Variants in CD4 observed in about 807,000 individuals in gnomAD.
The protein encoded by CD4 is CD4 molecule.
In CD4, 25 loss-of-function variants were observed where a neutral mutation model predicts 50.5. The observed-to-expected ratio is 0.49, with a 90% CI of 0.36 to 0.69. The LOEUF is 0.69. CD4 is among the 30% of genes least tolerant of loss of function. The pLI is 0.00. For missense variants in CD4, 456 were observed against 548.5 expected, an observed-to-expected ratio of 0.83 and a Z score of 1.68; for synonymous variants, 207 against 221.9, an observed-to-expected ratio of 0.93 and a Z score of 0.60.
chr12:6,810,484 GAGGTC>G (rs1443360962), intron 3 of CD4, among the ~76,000 whole-genome samples: 4 of 152,306 alleles, frequency 2.6e-5, no homozygotes, highest in Non-Finnish European at 5.9e-5. Context: ...ACTGAGGAGA[GAGGTC>G]AGGGCTGGCA....
chr12:6,798,414 C>T (rs756982754), intron 1 of CD4, among the ~76,000 whole-genome samples: 1 of 140,080 alleles, frequency 7.1e-6, no homozygotes, highest in East Asian at 1.9e-4. Context: ...CCTCATGATC[C>T]GCCCGCCTTG....
rs1420333619 is a variant in CD4, at chr12:6,818,842, G to A, written c.1279-5G>A. On this transcript the variant is annotated splice_region_variant and splice_polypyrimidine_tract_variant and intron_variant, in intron 8 of 9. Transcript: ENST00000011653. This position sits in a 1 kb window ranked among gnomAD's most constrained non-coding sequence, Gnocchi z 5.0. ...CTCGTGACTCCCTTTCTTGTCCCTGGACAGCGCCAAGCAGAGCGGATGTCT... is the reference window on the plus strand; with the variant it reads ...CTCGTGACTCCCTTTCTTGTCCCTGAACAGCGCCAAGCAGAGCGGATGTCT... 2.5e-6 allele frequency: 4 copies of A among 1,613,026 alleles called. No individual in the cohort carries two copies. The highest frequency in any genetic ancestry group is 4.5e-5 in the East Asian group (2 of 44,854).
intron 1 of CD4, among the ~76,000 whole-genome samples, chr12:6,795,099 T>C (rs1942331264): frequency 7.4e-4 from 1 of 1,348 alleles, no homozygotes; most frequent in African/African-American, 3.0e-3. Flanking sequence ...AATGTCTGTC[T>C]CTATCTATCT....
rs61092273 is a variant in CD4 at position 6,797,527 on chromosome 12, C to T, written c.-67-2545C>T. 6.5e-3 allele frequency among the ~76,000 whole-genome samples: 996 copies of T among 152,242 alleles called. 6 individuals are homozygous for T. Among genetic ancestry groups the T allele is most frequent in the African/African-American group, 0.022 (914 of 41,536 alleles). ...AAAGTGGGCCCAGGGGACCGGCGCT[C>T]AGCAAGTGAGGACCTGCACCGGTGC... On this transcript the variant is annotated intron_variant, in intron 1 of 9. Coordinates refer to ENST00000011653, the MANE Select transcript of CD4 (RefSeq NM_000616.5).
chr12:6,818,278 T>A lies in CD4; in HGVS notation c.1157-143T>A. 4.0e-6 allele frequency: 4 copies of A among 1,007,828 alleles called. No homozygotes were observed. The South Asian group carries it at 4.6e-5, about 12-fold the overall frequency. 62.4% of individuals were successfully genotyped at this position (1,007,828 alleles called of 1,614,324 possible). A position where few individuals can be genotyped will look rare whatever the true frequency, so the allele number is the denominator to read the frequency against. ...AACCGATTCCCCAGCACTGGCGGCC[T>A]TTGAGAGCCCCCAGGCACCCCTCCC... On this transcript the variant is annotated intron_variant, in intron 7 of 9. Coordinates refer to ENST00000011653, the MANE Select transcript of CD4 (RefSeq NM_000616.5). This position sits in a 1 kb window ranked among gnomAD's most constrained non-coding sequence, Gnocchi z 5.0.
intron 6 of CD4, 40 bp from the exon 7 acceptor site, chr12:6,817,090 A>T: frequency 2.6e-6 from 4 of 1,547,208 alleles, no homozygotes; most frequent in Non-Finnish European, 3.6e-6. Flanking sequence ...TGTTCTACTG[A>T]ATCTCAGGCC....
intron 1 of CD4, among the ~76,000 whole-genome samples, chr12:6,796,931 G>A (rs1029788043): frequency 2.6e-5 from 4 of 152,054 alleles, no homozygotes; most frequent in Admixed American, 1.3e-4. Context: ...TCTTTCCTCC[G>A]AAGCCTCCTC....
At chr12:6,817,015 G>C in intron 6 of CD4, 115 bp from the exon 7 acceptor site, 1 of 824,888 alleles carries the variant, frequency 1.2e-6, no homozygotes, top group South Asian at 1.7e-5. Context: ...TTTCCTCGTA[G>C]GACTGCATGA....
intron 3 of CD4, among the ~76,000 whole-genome samples, chr12:6,809,044 C>T (rs1024225908): frequency 7.9e-5 from 12 of 152,160 alleles, no homozygotes; most frequent in Non-Finnish European, 1.2e-4. Flanking sequence ...ATCTCATCTT[C>T]CTTCAGAACA....
intron 3 of CD4, among the ~76,000 whole-genome samples, chr12:6,802,837 A>G (rs782799022): frequency 6.6e-6 from 1 of 151,906 alleles, no homozygotes; most frequent in Non-Finnish European, 1.5e-5. Context: ...CCCAGGTTCA[A>G]GCAATTCTGC....
chr12:6,814,025 G>C (rs1345955769), intron 3 of CD4, 117 bp from the exon 4 acceptor site: 2 of 857,724 alleles, frequency 2.3e-6, no homozygotes, highest in Non-Finnish European at 3.7e-6. Flanking sequence ...TTAGAACGAG[G>C]AGCAGATGTT....
intron 4 of CD4, 124 bp downstream of exon 4, chr12:6,814,424 CAAA>C: frequency 9.8e-7 from 1 of 1,018,614 alleles, no homozygotes; most frequent in East Asian, 2.6e-5. Context: ...ACCAGGCTGT[CAAA>C]CTGGCCTCCA....
intron 3 of CD4, among the ~76,000 whole-genome samples, chr12:6,812,364 C>T (rs1371747161): frequency 1.3e-5 from 2 of 152,082 alleles, no homozygotes; most frequent in African/African-American, 4.8e-5. Flanking sequence ...GAACACTCGA[C>T]TCCATAAAAA....
At chr12:6,817,877 ACACT>A (rs781867613) in intron 7 of CD4, among the ~76,000 whole-genome samples, 28 of 148,886 alleles carry the variant, frequency 1.9e-4, no homozygotes, top group Non-Finnish European at 2.5e-4. Flanking sequence ...ATGCACACAC[ACACT>A]TACACATTCA....
intron 1 of CD4, among the ~76,000 whole-genome samples, chr12:6,796,787 C>A (rs532991884): frequency 9.8e-5 from 15 of 152,338 alleles, no homozygotes; most frequent in African/African-American, 3.6e-4. Flanking sequence ...TTCCAGGCTG[C>A]AATGACCTAT....
At chr12:6,807,721 C>G (rs377549963) in intron 3 of CD4, among the ~76,000 whole-genome samples, 1 of 152,092 alleles carries the variant, frequency 6.6e-6, no homozygotes, top group South Asian at 2.1e-4. Flanking sequence ...GGATAGAGGG[C>G]ACATAGGATT....
At chr12:6,812,515 A>C (rs1942966505) in intron 3 of CD4, among the ~76,000 whole-genome samples, 1 of 152,132 alleles carries the variant, frequency 6.6e-6, no homozygotes, top group African/African-American at 2.4e-5. Flanking sequence ...CCCTGTCTCT[A>C]CTGAAAATAC....
intron 3 of CD4, among the ~76,000 whole-genome samples, chr12:6,811,480 CTTTTCTTTTTCTTT>C (rs1942934888): frequency 7.2e-6 from 1 of 139,766 alleles, no homozygotes. Flanking sequence ...TTTCTTTTTT[CTTTTCTTTTTCTTT>C]TTTTTTTTTT....
intron 1 of CD4, among the ~76,000 whole-genome samples, chr12:6,794,847 C>A (rs556870615): frequency 7.3e-6 from 1 of 137,854 alleles, no homozygotes; most frequent in Non-Finnish European, 1.5e-5. Flanking sequence ...TGCGGTGGCG[C>A]GATCTCAGCT....
Sources: gnomAD v4.1 joint callset for allele counts (sites outside exome capture counted in the v4.1 genomes callset) on GRCh38, gnomAD v4.1.1 for gene constraint, Gnocchi (gnomAD v3.1) non-coding constraint, MANE v1.5 for transcripts, NCBI Gene and HGNC (gene_info 2026-07-23, HGNC 2026-07-21) for gene names.